Variants in SLC22A23 observed in about 807,000 individuals in gnomAD.
SLC22A23 encodes the protein ion transporter protein.
A neutral mutation model predicts 61.0 loss-of-function variants in SLC22A23; 26 were observed. The ratio of observed to expected loss-of-function variants is 0.43; its 90% CI spans 0.31 to 0.59. The LOEUF is 0.59. SLC22A23 is among the 20% of genes least tolerant of loss of function. The pLI is 0.11. For synonymous variants in SLC22A23, 430 were observed against 413.9 expected (o/e 1.04, Z -0.47); for missense variants, 796 against 934.7 (o/e 0.85, Z 1.94).
At position 3,269,780 on chromosome 6, in the gene SLC22A23, C is replaced by T. The variant is rs536948785; in HGVS notation, c.*3275G>A. ...GGACAGCTGTAGTGTGGACCTCCCC[C>T]GCACATGCGATACCTCGGGCCGGGC... On this transcript the variant is annotated 3_prime_UTR_variant, in exon 10 of 10. Coordinates refer to ENST00000406686, the MANE Select transcript of SLC22A23 (RefSeq NM_015482.2). 2.6e-5 allele frequency: 4 copies of T among 152,860 alleles called. No homozygotes were observed. The highest frequency in any genetic ancestry group is 4.4e-5 in the Non-Finnish European group (3 of 68,068). The allele number at this position is 152,860 out of a possible 1,614,324, so 9.5% of individuals were successfully genotyped here.
At chr6:3,364,634 G>A (rs1026619315) in intron 3 of SLC22A23, among the ~76,000 whole-genome samples, 6 of 152,182 alleles carry the variant, frequency 3.9e-5, no homozygotes, top group Admixed American at 2.0e-4. Flanking sequence ...CAGGGTCAGC[G>A]AGAGGTCTCA....
chr6:3,282,160 G>A, intron 9 of SLC22A23: 1 of 701,130 alleles, frequency 1.4e-6, no homozygotes, highest in Non-Finnish European at 2.6e-6. Flanking sequence ...TCTGACTGTG[G>A]ATTCTGGTCT....
rs866479383 is a variant in SLC22A23 at position 3,411,023 on chromosome 6, G to A, written c.759-681C>T. Reference sequence around the variant, plus strand: ...CAGGCTGTGATGATTCTCTGGAAACGGCCACAGATACCCTCAATTCGTGGG... The same window carrying A: ...CAGGCTGTGATGATTCTCTGGAAACAGCCACAGATACCCTCAATTCGTGGG... On this transcript the variant is annotated intron_variant, in intron 2 of 9. Transcript: ENST00000406686. 3.9e-5 allele frequency among the ~76,000 whole-genome samples: 6 copies of A among 152,258 alleles called. No homozygotes were observed. In the South Asian group the frequency reaches 1.0e-3, roughly 26 times the overall value.
chr6:3,359,374 G>T (rs1765300717), intron 3 of SLC22A23, among the ~76,000 whole-genome samples: 1 of 152,208 alleles, frequency 6.6e-6, no homozygotes, highest in Non-Finnish European at 1.5e-5. Flanking sequence ...CCATCTGAGT[G>T]CAAGTTTAAA....
chr6:3,293,954 C>T (rs946518502), intron 5 of SLC22A23, among the ~76,000 whole-genome samples: 7 of 152,134 alleles, frequency 4.6e-5, no homozygotes, highest in African/African-American at 1.4e-4. Context: ...TTGGCTTCTC[C>T]GGGGTGAGGT....
At chr6:3,285,397 G>A (rs1759894798) in intron 7 of SLC22A23, among the ~76,000 whole-genome samples, 1 of 152,236 alleles carries the variant, frequency 6.6e-6, no homozygotes, top group Non-Finnish European at 1.5e-5. Context: ...TGCAAAGGGT[G>A]AGCTTCCTTG....
intron 3 of SLC22A23, among the ~76,000 whole-genome samples, chr6:3,378,751 G>T (rs1766763548): frequency 1.4e-5 from 2 of 146,238 alleles, no homozygotes; most frequent in Admixed American, 1.4e-4. Context: ...TCCGCCTCCA[G>T]GGTTCAAGCG....
intron 3 of SLC22A23, among the ~76,000 whole-genome samples, chr6:3,367,307 G>T (rs748980918): frequency 1.3e-5 from 2 of 152,144 alleles, no homozygotes; most frequent in African/African-American, 4.8e-5. Flanking sequence ...AGTTAGTTGG[G>T]TATTCAAAGC....
intron 1 of SLC22A23, among the ~76,000 whole-genome samples, chr6:3,434,972 T>C (rs1037145924): frequency 6.6e-6 from 1 of 152,138 alleles, no homozygotes; most frequent in Admixed American, 6.5e-5. Flanking sequence ...ACTGTCACTA[T>C]ATCAAAGGCA....
At chr6:3,278,065 G>A (rs1466606401) in intron 9 of SLC22A23, among the ~76,000 whole-genome samples, 1 of 152,218 alleles carries the variant, frequency 6.6e-6, no homozygotes, top group Non-Finnish European at 1.5e-5. Context: ...GGTAGCCTCT[G>A]AGAGACCTGG....
chr6:3,442,175 C>T (rs1333335431), intron 1 of SLC22A23, among the ~76,000 whole-genome samples: 1 of 152,176 alleles, frequency 6.6e-6, no homozygotes, highest in East Asian at 1.9e-4. Flanking sequence ...ATGAGCCAGT[C>T]ACAAAAGGAC....
intron 2 of SLC22A23, among the ~76,000 whole-genome samples, chr6:3,413,121 G>A (rs910479573): frequency 5.3e-5 from 8 of 152,288 alleles, no homozygotes; most frequent in Admixed American, 2.0e-4. Context: ...TGAAGTGACT[G>A]GAGGAGATGG....
intron 1 of SLC22A23, among the ~76,000 whole-genome samples, chr6:3,428,569 G>A (rs940379341): frequency 4.6e-5 from 7 of 152,178 alleles, no homozygotes; most frequent in African/African-American, 1.4e-4. Context: ...GCAGCAGAGC[G>A]GGCTTGACAA....
At chr6:3,412,233 G>GA (rs1769314689) in intron 2 of SLC22A23, among the ~76,000 whole-genome samples, 1 of 152,108 alleles carries the variant, frequency 6.6e-6, no homozygotes, top group African/African-American at 2.4e-5. Context: ...GCTGCCTCCC[G>GA]AAAAATGGTG....
chr6:3,329,553 G>C lies in SLC22A23; in HGVS notation c.914-5551C>G, dbSNP rs1298480895. Among the ~76,000 whole-genome samples the C allele has an allele frequency of 1.3e-5, 2 of 152,220 alleles. No homozygotes were observed. Among genetic ancestry groups the C allele is most frequent in the African/African-American group, 4.8e-5 (2 of 41,454 alleles). ...AAGCGTGCCATGCAGGGTATGGGAT[G>C]AGGCGCCCGCTCTGGCCTAGAGGTG... On this transcript the variant is annotated intron_variant, in intron 3 of 9. Transcript: ENST00000406686. The surrounding 1 kb of genome is among the most constrained non-coding windows in gnomAD (Gnocchi z 4.8).
rs1455918995 is a variant in SLC22A23 at position 3,454,734 on chromosome 6, A to G, written c.654+1172T>C. ...AGCTCAGTCAGACAGTTCCCACAGGACAGAGCATTTCTGGCCAGGTTGGTA... is the reference window on the plus strand; with the variant it reads ...AGCTCAGTCAGACAGTTCCCACAGGGCAGAGCATTTCTGGCCAGGTTGGTA... On this transcript the variant is annotated intron_variant, in intron 1 of 9. Transcript: ENST00000406686. This position sits in a 1 kb window ranked among gnomAD's most constrained non-coding sequence, Gnocchi z 4.3. 1.3e-5 allele frequency among the ~76,000 whole-genome samples: 2 copies of G among 152,210 alleles called. No individual in the cohort carries two copies. Among genetic ancestry groups the G allele is most frequent in the Non-Finnish European group, 1.5e-5 (1 of 68,040 alleles).
intron 5 of SLC22A23, among the ~76,000 whole-genome samples, chr6:3,294,047 G>A (rs7770437): frequency 0.24 from 35,819 of 152,082 alleles, 5,866 homozygotes; most frequent in African/African-American, 0.44. Flanking sequence ...AAGAAGACAG[G>A]AGTGCATTTG....
intron 5 of SLC22A23, among the ~76,000 whole-genome samples, chr6:3,293,091 C>T (rs76749362): frequency 0.018 from 2,812 of 152,274 alleles, 97 homozygotes; most frequent in African/African-American, 0.064. Context: ...GGAAAACACA[C>T]GCAGAGGAGA....
intron 1 of SLC22A23, among the ~76,000 whole-genome samples, chr6:3,425,301 T>TTTTG (rs1770416595): frequency 2.7e-5 from 4 of 148,660 alleles, no homozygotes; most frequent in Admixed American, 2.7e-4. Context: ...TTTTTTTTTT[T>TTTTG]TTTGAGATGG....
Sources: gnomAD v4.1 joint callset for allele counts (sites outside exome capture counted in the v4.1 genomes callset) on GRCh38, gnomAD v4.1.1 for gene constraint, Gnocchi (gnomAD v3.1) non-coding constraint, MANE v1.5 for transcripts, NCBI Gene and HGNC (gene_info 2026-07-23, HGNC 2026-07-21) for gene names.